ZNF695: variants seen among roughly 807,000 people sequenced by gnomAD.
The protein encoded by ZNF695 is zinc finger protein 695.
Under a neutral mutation model 11.2 loss-of-function variants are expected in ZNF695, and 11 were observed. That is an observed-to-expected ratio of 0.98 (90% confidence interval 0.62 to 1.62). The LOEUF is 1.62. ZNF695 is among the 40% of genes most tolerant of loss of function. ZNF695 has a pLI of 0.00. For missense variants in ZNF695, 559 were observed against 590.5 expected (o/e 0.95, Z 0.55); for synonymous variants, 190 against 201.4 (o/e 0.94, Z 0.48).
chr1:246,958,196 C>T (rs992024622), intron 5 of ZNF695, among the ~76,000 whole-genome samples: 5 of 151,704 alleles, frequency 3.3e-5, no homozygotes, highest in Non-Finnish European at 4.4e-5. Context: ...GTACCTGGGA[C>T]TACAGGTGCA....
chr1:247,001,337 G>A (rs1669374331), intron 1 of ZNF695, among the ~76,000 whole-genome samples: 1 of 151,808 alleles, frequency 6.6e-6, no homozygotes, highest in African/African-American at 2.4e-5. Context: ...CAAAGTGGGA[G>A]ACTCACTTGA....
chr1:246,981,624 C>T (rs905124432), downstream of ZNF695, among the ~76,000 whole-genome samples: 1 of 152,114 alleles, frequency 6.6e-6, no homozygotes, highest in African/African-American at 2.4e-5. Context: ...GGGCCTAGCA[C>T]AGAACATGGG....
intron 4 of ZNF695, among the ~76,000 whole-genome samples, chr1:246,972,405 G>A (rs942679376): frequency 3.3e-5 from 5 of 152,258 alleles, no homozygotes; most frequent in East Asian, 1.9e-4. Flanking sequence ...AAGTTTCTGC[G>A]TTGTTATGAA....
chr1:246,955,084 T>C (rs1323382666), intron 5 of ZNF695, among the ~76,000 whole-genome samples: 1 of 152,168 alleles, frequency 6.6e-6, no homozygotes, highest in Non-Finnish European at 1.5e-5. Flanking sequence ...CGACAGTGAA[T>C]AAGTCTGCAC....
At chr1:246,989,866 A>T (rs1358158693) in intron 3 of ZNF695, among the ~76,000 whole-genome samples, 1 of 151,984 alleles carries the variant, frequency 6.6e-6, no homozygotes, top group Admixed American at 6.6e-5. Flanking sequence ...AAAATACAAA[A>T]TTAGCTGGGC....
chr1:246,991,182 C>A (rs1669021177), intron 3 of ZNF695, among the ~76,000 whole-genome samples: 1 of 151,620 alleles, frequency 6.6e-6, no homozygotes, highest in Admixed American at 6.6e-5. Context: ...TTTTGAAAAA[C>A]AAAATTGAGA....
intron 1 of ZNF695, among the ~76,000 whole-genome samples, chr1:247,005,785 T>C (rs1447242855): frequency 6.6e-6 from 1 of 152,082 alleles, no homozygotes; most frequent in Non-Finnish European, 1.5e-5. Flanking sequence ...AAGACGTAAA[T>C]CTAAGACCTC....
downstream of ZNF695, among the ~76,000 whole-genome samples, chr1:246,980,627 A>C (rs1668683405): frequency 6.6e-6 from 1 of 152,076 alleles, no homozygotes; most frequent in African/African-American, 2.4e-5. Context: ...CATGTTGGCC[A>C]GGCTGGTTTT....
chr1:246,963,236 A>C lies in ZNF695; in HGVS notation c.488+4459T>G, dbSNP rs1668207164. 2.6e-5 allele frequency among the ~76,000 whole-genome samples: 4 copies of C among 152,094 alleles called. No individual in the cohort carries two copies. In the South Asian group the frequency reaches 6.2e-4, roughly 24 times the overall value. Reference sequence around the variant, plus strand: ...GCATTCATTTATTCATGACACGTTTACTAAAGGTGACTGTGTGCCAGCCAC... The same window carrying C: ...GCATTCATTTATTCATGACACGTTTCCTAAAGGTGACTGTGTGCCAGCCAC... On this transcript the variant is annotated intron_variant, in intron 5 of 5. Transcript: ENST00000487338.
At chr1:246,972,518 C>T (rs747675693) in intron 4 of ZNF695, among the ~76,000 whole-genome samples, 6 of 152,194 alleles carry the variant, frequency 3.9e-5, no homozygotes, top group Non-Finnish European at 5.9e-5. Context: ...CTCCTCTCCC[C>T]AGTGGCCTCT....
In ZNF695 at chr1:246,999,374, T is replaced by C; in HGVS notation, c.233A>G (p.Asn78Ser). 6.2e-7 allele frequency: 1 copy of C among 1,614,092 alleles called. No homozygotes were observed. The highest frequency in any genetic ancestry group is 8.5e-7 in the Non-Finnish European group (1 of 1,179,964). The change falls in exon 3 of 4, where the codon AAC becomes AGC. Residue 78 changes from asparagine to serine, a missense_variant. Coordinates refer to ENST00000339986, the MANE Select transcript of ZNF695 (RefSeq NM_020394.5). ...TGAGTGTCTGGCTGTCTTCTCTGTG[T>C]TCACGTTCCAGGGCTCTTTCCTTGC... Reference protein sequence around the residue: ...LEARKEPWNVNTEKTARHSVL... With the variant: ...LEARKEPWNVSTEKTARHSVL...
chr1:246,966,199 CAA>C (rs1159453970), intron 5 of ZNF695, among the ~76,000 whole-genome samples: 1 of 152,034 alleles, frequency 6.6e-6, no homozygotes, highest in Non-Finnish European at 1.5e-5. Flanking sequence ...GAATAAAAGT[CAA>C]AGTGAGGTCG....
chr1:246,946,817 G>A (rs1226316044), intron 5 of ZNF695, among the ~76,000 whole-genome samples: 2 of 152,316 alleles, frequency 1.3e-5, no homozygotes, highest in East Asian at 1.9e-4. Flanking sequence ...GTGGGAAACC[G>A]AGTAATCAAA....
chr1:246,963,467 C>T (rs190340293), intron 5 of ZNF695, among the ~76,000 whole-genome samples: 2 of 152,270 alleles, frequency 1.3e-5, no homozygotes, highest in East Asian at 3.9e-4. Context: ...AACTTCCTGA[C>T]TTGTAGAGCT....
intron 4 of ZNF695, among the ~76,000 whole-genome samples, chr1:246,975,416 T>C (rs187695527): frequency 1.6e-4 from 25 of 152,360 alleles, no homozygotes; most frequent in Non-Finnish European, 2.6e-4. Context: ...GCAATCTATA[T>C]AAATCCATTT....
intron 4 of ZNF695, among the ~76,000 whole-genome samples, chr1:246,979,352 A>G (rs1668646562): frequency 6.6e-6 from 1 of 152,126 alleles, no homozygotes; most frequent in Non-Finnish European, 1.5e-5. Flanking sequence ...CCAGACTTAG[A>G]ATACAGCCCT....
Position 247,007,927 on chromosome 1 carries a change from C to A in ZNF695, c.-19G>T. 2 of 1,524,582 alleles carry A rather than the reference C, an allele frequency of 1.3e-6. No homozygotes were observed. Among genetic ancestry groups the A allele is most frequent in the South Asian group, 1.3e-5 (1 of 79,722 alleles). The allele number at this position is 1,524,582 out of a possible 1,614,324, so 94.4% of individuals were successfully genotyped here. A position where few individuals can be genotyped will look rare whatever the true frequency, so the allele number is the denominator to read the frequency against. On this transcript the variant is annotated 5_prime_UTR_variant, in exon 1 of 4. Coordinates refer to ENST00000339986, the MANE Select transcript of ZNF695 (RefSeq NM_020394.5). ...TCACCATTTCCCAGCTTTTGGGGGT[C>A]CCAGCGTCCTCCCTATAAATCTCGC...
intron 1 of ZNF695, among the ~76,000 whole-genome samples, chr1:247,003,632 T>A (rs1669453166): frequency 6.6e-6 from 1 of 152,140 alleles, no homozygotes; most frequent in Non-Finnish European, 1.5e-5. Context: ...AAATTGTAAA[T>A]AAATTATAGG....
At position 246,956,668 on chromosome 1, in the gene ZNF695, G is replaced by A. The variant is rs557968721; in HGVS notation, c.489-10841C>T. ...ATTGGGGGTATGTTAATATTGAATT[G>A]CCCATTCTATGTTATTAGATATCAT... On this transcript the variant is annotated intron_variant, in intron 5 of 5. Transcript: ENST00000487338. 3.6e-4 allele frequency among the ~76,000 whole-genome samples: 54 copies of A among 152,112 alleles called. No homozygotes were observed. In the South Asian group the frequency reaches 0.011, roughly 30 times the overall value.
Sources: gnomAD v4.1 joint callset for allele counts (sites outside exome capture counted in the v4.1 genomes callset) on GRCh38, gnomAD v4.1.1 for gene constraint, MANE v1.5 for transcripts, NCBI Gene and HGNC (gene_info 2026-07-23, HGNC 2026-07-21) for gene names.